Variants in ZFYVE9 observed in about 807,000 individuals in gnomAD.
ZFYVE9 encodes the protein zinc finger FYVE-type containing 9.
A neutral mutation model predicts 126.7 loss-of-function variants in ZFYVE9; 43 were observed. The observed-to-expected ratio is 0.34, with a 90% CI of 0.27 to 0.44. The LOEUF is 0.44. Among genes scored for constraint, ZFYVE9 ranks in the 20% least tolerant of loss-of-function variants. The pLI is 1.00. For missense variants in ZFYVE9, 1,476 were observed against 1,697.0 expected (o/e 0.87, Z 2.29); for synonymous variants, 521 against 597.4 (o/e 0.87, Z 1.87).
chr1:52,235,512 A>G (rs1645265493), intron 3 of ZFYVE9, among the ~76,000 whole-genome samples: 1 of 152,100 alleles, frequency 6.6e-6, no homozygotes, highest in Non-Finnish European at 1.5e-5. Flanking sequence ...ATCCTGTGTT[A>G]CTAAATTTCA....
chr1:52,282,658 T>C (rs1378318361), intron 10 of ZFYVE9, among the ~76,000 whole-genome samples: 1 of 152,198 alleles, frequency 6.6e-6, no homozygotes, highest in Non-Finnish European at 1.5e-5. Context: ...CATTGTGGGA[T>C]TCTGTGCCAA....
At chr1:52,156,610 C>T (rs939323397) in intron 1 of ZFYVE9, among the ~76,000 whole-genome samples, 2 of 152,202 alleles carry the variant, frequency 1.3e-5, no homozygotes, top group Admixed American at 6.5e-5. Context: ...CCCATTTATA[C>T]ATTGAGGGAC....
At position 52,247,081 on chromosome 1, in the gene ZFYVE9, C is replaced by T. The variant is rs113641968; in HGVS notation, c.2178+7486C>T. Among the ~76,000 whole-genome samples, 356 of 152,168 alleles carry T rather than the reference C, an allele frequency of 2.3e-3. 1 individual carries two copies. Among genetic ancestry groups the T allele is most frequent in the Non-Finnish European group, 4.3e-3 (291 of 67,998 alleles). On this transcript the variant is annotated intron_variant, in intron 4 of 18. Coordinates refer to ENST00000287727, the MANE Select transcript of ZFYVE9 (RefSeq NM_004799.4). ...TGGGCTCAAGGGATCCTCTTCACCT[C>T]GGCCTCCCCAAGTGTTGGGATTATA...
At chr1:52,281,380 G>C (rs548996160) in intron 9 of ZFYVE9, among the ~76,000 whole-genome samples, 2 of 151,972 alleles carry the variant, frequency 1.3e-5, no homozygotes, top group Non-Finnish European at 2.9e-5. Context: ...TGATCCACCC[G>C]CCTCGGCCTC....
At chr1:52,240,439 C>T (rs1181280026) in intron 4 of ZFYVE9, among the ~76,000 whole-genome samples, 2 of 152,148 alleles carry the variant, frequency 1.3e-5, no homozygotes, top group Non-Finnish European at 2.9e-5. Flanking sequence ...AATGAGATCT[C>T]AGAAGTCATA....
chr1:52,250,214 C>T (rs771123896), intron 4 of ZFYVE9, among the ~76,000 whole-genome samples: 1 of 152,176 alleles, frequency 6.6e-6, no homozygotes, highest in Non-Finnish European at 1.5e-5. Flanking sequence ...TTGTTGACAT[C>T]TTAATAATAA....
At chr1:52,278,431 C>T (rs141433476) in intron 8 of ZFYVE9, 61 bp from the exon 9 acceptor site, 2 of 1,594,062 alleles carry the variant, frequency 1.3e-6, no homozygotes, top group Admixed American at 1.7e-5. Context: ...ATTTCTCCAT[C>T]TGATCTCTTT....
chr1:52,172,731 G>A (rs1328795515), intron 1 of ZFYVE9, among the ~76,000 whole-genome samples: 1 of 151,468 alleles, frequency 6.6e-6, no homozygotes, highest in Admixed American at 6.6e-5. Context: ...CTTGTAAGTT[G>A]GATTCCTAAG....
At chr1:52,144,202 C>T (rs1346247976) in intron 1 of ZFYVE9, among the ~76,000 whole-genome samples, 1 of 152,072 alleles carries the variant, frequency 6.6e-6, no homozygotes, top group African/African-American at 2.4e-5. Context: ...ACCTGTAGCC[C>T]CAGCTACTCG....
intron 4 of ZFYVE9, among the ~76,000 whole-genome samples, chr1:52,250,639 A>G (rs1306180618): frequency 6.6e-6 from 1 of 151,530 alleles, no homozygotes; most frequent in Admixed American, 6.6e-5. Context: ...TAAATTTCCA[A>G]TACTATGTTA....
At chr1:52,295,863 A>C (rs1363868052) in intron 11 of ZFYVE9, 32 bp from the exon 12 acceptor site, 1 of 1,581,222 alleles carries the variant, frequency 6.3e-7, no homozygotes, top group Non-Finnish European at 8.6e-7. Flanking sequence ...TATGTTGCCA[A>C]ATTTAAGTTT....
intron 1 of ZFYVE9, among the ~76,000 whole-genome samples, chr1:52,170,576 T>C (rs1014658748): frequency 6.6e-6 from 1 of 152,154 alleles, no homozygotes; most frequent in Non-Finnish European, 1.5e-5. Flanking sequence ...CATTAGGTTA[T>C]TTATTTGAAG....
At chr1:52,155,407 T>C (rs916722326) in intron 1 of ZFYVE9, among the ~76,000 whole-genome samples, 1 of 152,028 alleles carries the variant, frequency 6.6e-6, no homozygotes, top group Non-Finnish European at 1.5e-5. Context: ...GCTAATTTTT[T>C]GTATTTTTAG....
At chr1:52,219,796 TGTGTGTGG>T (rs1340416014) in intron 2 of ZFYVE9, among the ~76,000 whole-genome samples, 91 of 143,774 alleles carry the variant, frequency 6.3e-4, no homozygotes, top group African/African-American at 5.3e-4. Flanking sequence ...TGTGTGTGTG[TGTGTGTGG>T]CAGAGTCTTA....
At chr1:52,337,702 CG>C (rs1646401578) in intron 15 of ZFYVE9, 69 bp from the exon 16 acceptor site, 1 of 1,556,892 alleles carries the variant, frequency 6.4e-7, no homozygotes, top group South Asian at 1.2e-5. Flanking sequence ...ACATTTAACT[CG>C]GAGGAATTTG....
At chr1:52,290,494 T>A (rs1436442803) in intron 10 of ZFYVE9, among the ~76,000 whole-genome samples, 1 of 152,242 alleles carries the variant, frequency 6.6e-6, no homozygotes, top group East Asian at 1.9e-4. Context: ...ATTCTCCTCC[T>A]TATTCACCAA....
chr1:52,315,931 C>T (rs753651914), intron 13 of ZFYVE9, among the ~76,000 whole-genome samples: 9 of 151,992 alleles, frequency 5.9e-5, no homozygotes, highest in Non-Finnish European at 1.2e-4. Context: ...TTTGGGAGGC[C>T]GAGGCAGGCA....
At position 52,155,451 on chromosome 1, in the gene ZFYVE9, G is replaced by T. The variant is rs185342005; in HGVS notation, c.-143+13048G>T. Among the ~76,000 whole-genome samples the T allele has an allele frequency of 5.8e-3, 881 of 152,096 alleles. 1 individual carries two copies. The highest frequency in any genetic ancestry group is 9.2e-3 in the Non-Finnish European group (626 of 67,978). ...GGGTTTCACTGTGTTAGCCAGGATGGTCTCGATCTCCTGACCTCGTGGTCC... is the reference window on the plus strand; with the variant it reads ...GGGTTTCACTGTGTTAGCCAGGATGTTCTCGATCTCCTGACCTCGTGGTCC... On this transcript the variant is annotated intron_variant, in intron 1 of 18. Transcript: ENST00000287727.
At chr1:52,173,456 T>A (rs1211402127) in intron 1 of ZFYVE9, among the ~76,000 whole-genome samples, 5 of 152,144 alleles carry the variant, frequency 3.3e-5, no homozygotes, top group African/African-American at 9.7e-5. Flanking sequence ...TATTGGTCTC[T>A]AATTCTCTTT....
Sources: allele counts gnomAD v4.1 joint callset (sites outside exome capture counted in the v4.1 genomes callset), GRCh38; gene constraint gnomAD v4.1.1; transcripts MANE v1.5; gene names NCBI Gene and HGNC (gene_info 2026-07-23, HGNC 2026-07-21).